MYOF: variants seen among roughly 807,000 people sequenced by gnomAD.
MYOF encodes fer-1-like 3, myoferlin.
Under a neutral mutation model 284.2 loss-of-function variants are expected in MYOF, and 244 were observed. The ratio of observed to expected loss-of-function variants is 0.86; its 90% CI spans 0.77 to 0.95. The LOEUF is 0.95. MYOF is among the 40% of genes least tolerant of loss of function. MYOF has a pLI of 0.00. For missense variants in MYOF, 2,496 were observed against 2,560.6 expected (o/e 0.97, Z 0.54); for synonymous variants, 904 against 919.7 (o/e 0.98, Z 0.31).
At chr10:93,442,092 C>A (rs2056284166) in intron 3 of MYOF, among the ~76,000 whole-genome samples, 1 of 149,652 alleles carries the variant, frequency 6.7e-6, no homozygotes, top group Non-Finnish European at 1.5e-5. Context: ...TTTAACATAC[C>A]TATGTAAAAT....
chr10:93,347,570 A>AAAAAGAAG, intron 37 of MYOF, 47 bp downstream of exon 37: 5 of 1,461,332 alleles, frequency 3.4e-6, no homozygotes, highest in Non-Finnish European at 4.5e-6. Flanking sequence ...AAAAAAAAAA[A>AAAAAGAAG]AAAAAAAAGA....
intron 43 of MYOF, among the ~76,000 whole-genome samples, chr10:93,332,434 C>T (rs1398907708): frequency 1.3e-5 from 2 of 151,840 alleles, no homozygotes; most frequent in East Asian, 3.9e-4. Flanking sequence ...GTTGGCCAGG[C>T]TGGTCTCGAA....
At chr10:93,451,581 G>T (rs891349629) in intron 3 of MYOF, among the ~76,000 whole-genome samples, 1 of 151,988 alleles carries the variant, frequency 6.6e-6, no homozygotes, top group Non-Finnish European at 1.5e-5. Context: ...CAAGGATTAA[G>T]GTCTGTTTAG....
chr10:93,441,852 C>T (rs2056270061), intron 3 of MYOF, among the ~76,000 whole-genome samples: 2 of 152,016 alleles, frequency 1.3e-5, no homozygotes, highest in South Asian at 4.2e-4. Context: ...CGTGAGTCAC[C>T]GTGCCCGGCC....
chr10:93,374,983 G>C, intron 22 of MYOF, 28 bp from the exon 23 acceptor site: 1 of 1,596,120 alleles, frequency 6.3e-7, no homozygotes, highest in Non-Finnish European at 8.5e-7. Context: ...AAAAGAAACA[G>C]AGGATTTGAA....
At chr10:93,340,924 T>C (rs1017254280) in intron 38 of MYOF, among the ~76,000 whole-genome samples, 3 of 152,144 alleles carry the variant, frequency 2.0e-5, no homozygotes, top group African/African-American at 7.2e-5. Context: ...GACCCCTTTC[T>C]GAGATCCTAA....
At chr10:93,431,321 C>T (rs1848854894) in intron 4 of MYOF, 87 bp downstream of exon 4, 2 of 1,138,070 alleles carry the variant, frequency 1.8e-6, no homozygotes, top group Middle Eastern at 2.1e-4. Flanking sequence ...GTGTGAGCCA[C>T]CACGCCCGGC....
intron 3 of MYOF, among the ~76,000 whole-genome samples, chr10:93,445,945 A>G (rs1411865301): frequency 6.6e-6 from 1 of 152,234 alleles, no homozygotes; most frequent in Non-Finnish European, 1.5e-5. Flanking sequence ...AAAAGCCAAA[A>G]AGAAAATCTG....
intron 45 of MYOF, among the ~76,000 whole-genome samples, chr10:93,328,423 A>C (rs2761291): frequency 0.22 from 34,096 of 152,194 alleles, 5,995 homozygotes; most frequent in East Asian, 0.83. Flanking sequence ...GACAGAACAA[A>C]TGATGGGATA....
chr10:93,363,412 T>A (rs535254816), intron 27 of MYOF, among the ~76,000 whole-genome samples: 33 of 152,332 alleles, frequency 2.2e-4, no homozygotes, highest in African/African-American at 7.9e-4. Flanking sequence ...ATGCCTATAA[T>A]CCCAGCACTT....
In MYOF at chr10:93,351,572, C is replaced by T. The variant is rs1844515599; in HGVS notation, c.3664-1G>A. The T allele has an allele frequency of 6.2e-7, 1 of 1,613,794 alleles. No individual in the cohort carries two copies. The highest frequency in any genetic ancestry group is 1.3e-5 in the African/African-American group (1 of 74,928). ...TTCGTCCTAAAAATTCATCTTTGCC[C>T]TAGAGAAACAAAGTGATCCTTAAAT... is the stretch of plus-strand genomic sequence containing the variant. On this transcript the variant is annotated splice_acceptor_variant, in intron 33 of 53. Coordinates refer to ENST00000359263, the MANE Select transcript of MYOF (RefSeq NM_013451.4). LOFTEE classifies it high-confidence loss of function.
At chr10:93,362,628 T>C (rs1845130495) in intron 27 of MYOF, among the ~76,000 whole-genome samples, 1 of 152,152 alleles carries the variant, frequency 6.6e-6, no homozygotes. Context: ...ATCTAAAATA[T>C]TGACTTAAGT....
At chr10:93,464,151 G>T (rs2056950536) in intron 1 of MYOF, among the ~76,000 whole-genome samples, 1 of 152,180 alleles carries the variant, frequency 6.6e-6, no homozygotes, top group Non-Finnish European at 1.5e-5. Context: ...GCAAAAACTG[G>T]TTTCCTGGAG....
intron 1 of MYOF, among the ~76,000 whole-genome samples, chr10:93,470,406 T>G (rs11187443): frequency 0.17 from 26,231 of 151,936 alleles, 2,596 homozygotes; most frequent in East Asian, 0.5. Context: ...TTTGTTTTTT[T>G]GTTTTTTGTT....
At chr10:93,322,408 G>A (rs982459212) in intron 48 of MYOF, among the ~76,000 whole-genome samples, 4 of 152,178 alleles carry the variant, frequency 2.6e-5, no homozygotes, top group Admixed American at 1.3e-4. Flanking sequence ...GAGGAACAGC[G>A]AGCTAACTAC....
intron 25 of MYOF, among the ~76,000 whole-genome samples, chr10:93,368,100 G>T (rs1430688233): frequency 2.0e-5 from 3 of 152,124 alleles, no homozygotes; most frequent in Non-Finnish European, 4.4e-5. Context: ...CACAGAGCTG[G>T]AGGGCAGGTA....
chr10:93,310,573 C>T lies in MYOF; in HGVS notation c.5960G>A (p.Arg1987Gln), dbSNP rs755367267. 1.1e-5 allele frequency: 17 copies of T among 1,614,028 alleles called. No homozygotes were observed. The highest frequency in any genetic ancestry group is 1.6e-4 in the Middle Eastern group (1 of 6,084). The part of the protein sequence containing the change: ...EADERPAGKG[R>Q]DEPNMNPKLD... ...CTTGGGGTTCATGTTGGGTTCGTCCCGCCCCTTCCCGGCTGGCCTCTCGTC... is the reference window on the plus strand; with the variant it reads ...CTTGGGGTTCATGTTGGGTTCGTCCTGCCCCTTCCCGGCTGGCCTCTCGTC... Residue 1987 changes from arginine to glutamine, a missense_variant, in exon 52 of 54, where the codon CGG (arginine) becomes CAG (glutamine). By Grantham distance (43) the Arg-to-Gln change is conservative (BLOSUM62 1). Transcript: ENST00000359263.
chr10:93,477,557 G>A (rs775954172), intron 1 of MYOF, among the ~76,000 whole-genome samples: 18 of 151,208 alleles, frequency 1.2e-4, no homozygotes, highest in Non-Finnish European at 2.4e-4. Flanking sequence ...TTTGAAATGT[G>A]CATATTCATG....
At chr10:93,350,487 AT>A (rs1564639674) in intron 35 of MYOF, among the ~76,000 whole-genome samples, 2 of 151,898 alleles carry the variant, frequency 1.3e-5, no homozygotes. Flanking sequence ...TAATTTTTGT[AT>A]TTTTAGTAGA....
Sources: gnomAD v4.1 joint callset for allele counts (sites outside exome capture counted in the v4.1 genomes callset) on GRCh38, gnomAD v4.1.1 for gene constraint, MANE v1.5 for transcripts, NCBI Gene and HGNC (gene_info 2026-07-23, HGNC 2026-07-21) for gene names.